The following SYS1 variants were observed in gnomAD, a reference collection of about 807,000 sequenced individuals.
SYS1 encodes the protein protein SYS1 homolog.
A neutral mutation model predicts 17.8 loss-of-function variants in SYS1; 8 were observed. The ratio of observed to expected loss-of-function variants is 0.45; its 90% CI spans 0.26 to 0.81. SYS1 has a LOEUF of 0.81. Ranked by LOEUF, SYS1 falls within the 40% of genes least tolerant of loss-of-function variation. The pLI is 0.16. For missense variants in SYS1, 161 were observed against 203.9 expected (o/e 0.79, Z 1.28); for synonymous variants, 95 against 90.9 (o/e 1.05, Z -0.26).
chr20:45,369,954 C>T (rs149030017), downstream of SYS1, among the ~76,000 whole-genome samples: 2 of 149,120 alleles, frequency 1.3e-5, no homozygotes, highest in African/African-American at 2.5e-5. Flanking sequence ...AGTTTCACTC[C>T]GACTTCATTA....
exon 4 of SYS1, chr20:45,374,707 C>A: frequency 2.3e-6 from 1 of 437,664 alleles, no homozygotes; most frequent in Non-Finnish European, 4.0e-6. Context: ...ATCCTTAAAC[C>A]CACTTATGTA....
At chr20:45,364,048 G>A (rs2145348921) in intron 2 of SYS1, among the ~76,000 whole-genome samples, 1 of 152,326 alleles carries the variant, frequency 6.6e-6, no homozygotes, top group South Asian at 2.1e-4. Context: ...TGCGGGTACA[G>A]TGGAAACTGC....
chr20:45,365,969 A>G, intron 3 of SYS1: 1 of 455,208 alleles, frequency 2.2e-6, no homozygotes, highest in Non-Finnish European at 4.1e-6. Flanking sequence ...GATTCGACCG[A>G]GAGGCAGGAG....
At chr20:45,374,997 C>T in exon 4 of SYS1, 4 of 1,582,456 alleles carry the variant, frequency 2.5e-6, no homozygotes, top group Non-Finnish European at 3.4e-6. Flanking sequence ...TGGCTTGGGG[C>T]TTGCATCTCA....
downstream of SYS1, chr20:45,373,103 TCGTC>T (rs1988606194): frequency 6.6e-6 from 1 of 152,412 alleles, no homozygotes; most frequent in Non-Finnish European, 1.5e-5. Context: ...ATGGAGGTCT[TCGTC>T]CGGAGAAAAC....
At chr20:45,363,388 T>C (rs1216363972) in intron 1 of SYS1, 73 bp downstream of exon 1, 17 of 1,434,986 alleles carry the variant, frequency 1.2e-5, no homozygotes, top group Non-Finnish European at 1.6e-5. Context: ...TTCCCCTCAC[T>C]CTGAGAATGG....
chr20:45,374,885 C>T, exon 4 of SYS1: 4 of 1,031,138 alleles, frequency 3.9e-6, no homozygotes, highest in South Asian at 3.2e-5. Flanking sequence ...TCTAAGGCTT[C>T]CCCCTCTCTG....
In SYS1 at chr20:45,363,609, T is replaced by C. The variant is rs969806196; in HGVS notation, c.78T>C (p.Tyr26=). ...LSQIVLMQTV[Y]YGSLGLWLAL... is the part of the protein sequence containing the mutation. ...AGATCGTCCTCATGCAGACCGTGTA[T>C]TACGGCTCGCTGGGCCTGTGGCTGG... The change falls in exon 2 of 4, where the codon TAT becomes TAC. Residue 26 remains tyrosine (Y), a synonymous_variant. Transcript: ENST00000243918. The C allele has an allele frequency of 1.3e-6, 2 of 1,598,472 alleles. No individual in the cohort carries two copies. The highest frequency in any genetic ancestry group is 1.3e-5 in the African/African-American group (1 of 74,658).
chr20:45,374,571 C>T, exon 4 of SYS1: 1 of 492,756 alleles, frequency 2.0e-6, no homozygotes, highest in South Asian at 4.0e-5. Flanking sequence ...CATGCCTAGC[C>T]TGTTCAGAGT....
rs1367304524 is a variant in SYS1 at position 45,367,637 on chromosome 20, G to C, written c.*522G>C. 2 of 993,172 alleles carry C rather than the reference G, an allele frequency of 2.0e-6. No homozygotes were observed. The highest frequency in any genetic ancestry group is 1.2e-6 in the Non-Finnish European group (1 of 834,250). 61.5% of individuals were successfully genotyped at this position (993,172 alleles called of 1,614,324 possible). On this transcript the variant is annotated 3_prime_UTR_variant, in exon 4 of 4. Transcript: ENST00000243918. ...AAGAAATGTAGGTGTGAAGTATTAGGCTGCTGTCAGGGAGAGGATGGCAGA... is the reference window on the plus strand; with the variant it reads ...AAGAAATGTAGGTGTGAAGTATTAGCCTGCTGTCAGGGAGAGGATGGCAGA...
Position 45,368,075 on chromosome 20 carries a change from A to G in SYS1, c.*960A>G. ...GGAGTTTCCTCTGTGAGGGGCTTGC[A>G]GCTATCCTTCCTGTGTATACAAATA... On this transcript the variant is annotated 3_prime_UTR_variant, in exon 4 of 4. Coordinates refer to ENST00000243918, the MANE Select transcript of SYS1 (RefSeq NM_033542.4). 12 of 985,516 alleles carry G rather than the reference A, an allele frequency of 1.2e-5. No individual in the cohort carries two copies. The highest frequency in any genetic ancestry group is 1.4e-5 in the Non-Finnish European group (12 of 830,010). 61.0% of individuals were successfully genotyped at this position (985,516 alleles called of 1,614,324 possible). A position where few individuals can be genotyped will look rare whatever the true frequency, so the allele number is the denominator to read the frequency against.
downstream of SYS1, among the ~76,000 whole-genome samples, chr20:45,371,113 A>T (rs1478280495): frequency 6.6e-6 from 1 of 152,128 alleles, no homozygotes; most frequent in South Asian, 2.1e-4. Context: ...AGATTTCCTC[A>T]TATGTAAAAT....
rs748341954 is a variant in SYS1, at chr20:45,367,007, G to T, written c.363G>T (p.Leu121=). The change falls in exon 4 of 4, where the codon CTG becomes CTT. Residue 121 remains leucine, a synonymous_variant. Coordinates refer to ENST00000243918, the MANE Select transcript of SYS1 (RefSeq NM_033542.4). ...SRFPSALTWW[L]VQAVCIALMA... ...TCCCCTCGGCGCTGACCTGGTGGCTGGTCCAAGCCGTGTGCATTGCACTCA... is the reference window on the plus strand; with the variant it reads ...TCCCCTCGGCGCTGACCTGGTGGCTTGTCCAAGCCGTGTGCATTGCACTCA... 1 of 1,614,194 alleles carries T rather than the reference G, an allele frequency of 6.2e-7. No individual in the cohort carries two copies. Among genetic ancestry groups the T allele is most frequent in the Non-Finnish European group, 8.5e-7 (1 of 1,180,046 alleles).
chr20:45,366,785 C>A, intron 3 of SYS1, 90 bp from the exon 4 acceptor site: 1 of 1,075,474 alleles, frequency 9.3e-7, no homozygotes, highest in Non-Finnish European at 1.4e-6. Flanking sequence ...CTTCTGACCA[C>A]TATGCTGCCG....
At position 45,363,553 on chromosome 20, in the gene SYS1, T is replaced by C; in HGVS notation, c.22T>C (p.Tyr8His). The change falls in exon 2 of 4, where the codon TAC becomes CAC. Residue 8 changes from tyrosine to histidine, a missense_variant. Physicochemically the swap from Tyr to His is moderately conservative, Grantham distance 83 (BLOSUM62 2). Transcript: ENST00000243918. ...GGGCATGGCGGGTCAGTTCCGCAGC[T>C]ACGTGTGGGACCCGCTGCTGATCCT... Reference protein sequence around the residue: MAGQFRSYVWDPLLILSQ... With the variant: MAGQFRSHVWDPLLILSQ... 6.3e-7 allele frequency: 1 copy of C among 1,575,448 alleles called. No individual in the cohort carries two copies. The highest frequency in any genetic ancestry group is 8.6e-7 in the Non-Finnish European group (1 of 1,162,110).
In SYS1 at chr20:45,368,225, C is replaced by G. The variant is rs1452897274; in HGVS notation, c.*1110C>G. ...AGGCCACCTTCTCCCTTTCCTGGAC[C>G]CCAGAGTCATTCCTCCATTTGGTTA... is the stretch of plus-strand genomic sequence containing the variant. On this transcript the variant is annotated 3_prime_UTR_variant, in exon 4 of 4. Transcript: ENST00000243918. 1.0e-6 allele frequency: 1 copy of G among 985,270 alleles called. No individual in the cohort carries two copies. Among genetic ancestry groups the G allele is most frequent in the Non-Finnish European group, 1.2e-6 (1 of 829,938 alleles). The allele number at this position is 985,270 out of a possible 1,614,324, so 61.0% of individuals were successfully genotyped here. A position where few individuals can be genotyped will look rare whatever the true frequency, so the allele number is the denominator to read the frequency against.
downstream of SYS1, among the ~76,000 whole-genome samples, chr20:45,370,338 T>G (rs1280778759): frequency 2.0e-5 from 3 of 152,186 alleles, no homozygotes; most frequent in Non-Finnish European, 2.9e-5. Flanking sequence ...GGCATATCTC[T>G]TAACTCTCCA....
chr20:45,372,967 C>G (rs530773338), downstream of SYS1: 2 of 152,346 alleles, frequency 1.3e-5, no homozygotes, highest in Non-Finnish European at 2.9e-5. Context: ...CGTTCTCCCT[C>G]TGTCCCAAAC....
In SYS1 at chr20:45,366,964, G is replaced by A. The variant is rs1258955528; in HGVS notation, c.320G>A (p.Trp107Ter). Residue 107 changes from tryptophan to a stop codon, truncating the protein, a stop_gained, in exon 4 of 4, where the codon TGG (tryptophan) becomes TAG (stop). Coordinates refer to ENST00000243918, the MANE Select transcript of SYS1 (RefSeq NM_033542.4). LOFTEE classifies it high-confidence loss of function. ...CATTTCTTTCACCTCCTGGGCTGCT[G>A]GTTCTACAGCTCCCGTTTCCCCTCG... ...TVHFFHLLGC[W>*]FYSSRFPSAL... 1 of 1,614,186 alleles carries A rather than the reference G, an allele frequency of 6.2e-7. No homozygotes were observed. Among genetic ancestry groups the A allele is most frequent in the South Asian group, 1.1e-5 (1 of 91,080 alleles).
Sources: allele counts gnomAD v4.1 joint callset (sites outside exome capture counted in the v4.1 genomes callset), GRCh38; gene constraint gnomAD v4.1.1; transcripts MANE v1.5; gene names NCBI Gene and HGNC (gene_info 2026-07-23, HGNC 2026-07-21).